KAT6A: variants seen among roughly 807,000 people sequenced by gnomAD.
KAT6A encodes histone acetyltransferase KAT6A.
A neutral mutation model predicts 198.4 loss-of-function variants in KAT6A; 9 were observed. The observed-to-expected ratio is 0.05, with a 90% confidence interval of 0.03 to 0.08. The LOEUF (loss-of-function observed/expected upper bound fraction) is 0.08. Ranked by LOEUF, KAT6A falls within the 10% of genes least tolerant of loss-of-function variation. KAT6A has a pLI of 1.00. For synonymous variants in KAT6A, 890 were observed against 883.0 expected, an observed-to-expected ratio of 1.01 and a Z score of -0.14; for missense variants, 2,077 against 2,509.9, an observed-to-expected ratio of 0.83 and a Z score of 3.69.
rs528672401 is a variant in KAT6A at position 41,931,628 on chromosome 8, TTAA to T, written c.*574_*576del. Reference sequence around the variant, plus strand: ...AGAAGCATTTTCCTGCCTCACTTTATTAATAATAATAATAATAATATTAACAAT... The same window carrying T: ...AGAAGCATTTTCCTGCCTCACTTTATTAATAATAATAATAATATTAACAAT... On this transcript the variant is annotated 3_prime_UTR_variant, in exon 17 of 17. Transcript: ENST00000265713. 7.6e-4 allele frequency: 142 copies of T among 186,368 alleles called. 2 individuals are homozygous for T. The highest frequency in any genetic ancestry group is 2.0e-3 in the African/African-American group (85 of 42,558). The allele number at this position is 186,368 out of a possible 1,614,324, so 11.5% of individuals were successfully genotyped here.
chr8:42,030,345 A>C (rs1427761350), intron 2 of KAT6A, among the ~76,000 whole-genome samples: 1 of 152,166 alleles, frequency 6.6e-6, no homozygotes, highest in African/African-American at 2.4e-5. Context: ...AATCCCAGCC[A>C]GGCCAGCTGT....
At chr8:42,051,717 G>C (rs1802670158) in intron 1 of KAT6A, among the ~76,000 whole-genome samples, 184 bp downstream of exon 1, 1 of 145,798 alleles carries the variant, frequency 6.9e-6, no homozygotes, top group Non-Finnish European at 1.5e-5. Context: ...GAGCGGGCGG[G>C]CGCGAGGGGG....
intron 2 of KAT6A, among the ~76,000 whole-genome samples, chr8:42,040,504 C>T (rs1411035399): frequency 2.7e-5 from 4 of 150,426 alleles, no homozygotes; most frequent in Admixed American, 6.6e-5. Context: ...GAGGCCAAGG[C>T]GGGTGGATCA....
At chr8:42,035,240 T>C (rs547396318) in intron 2 of KAT6A, among the ~76,000 whole-genome samples, 10 of 152,178 alleles carry the variant, frequency 6.6e-5, no homozygotes, top group Non-Finnish European at 1.5e-4. Context: ...AAGTTTCCAT[T>C]TTAAGCATCA....
Position 41,934,490 on chromosome 8 carries a change from C to A in KAT6A, c.3730G>T (p.Ala1244Ser). Residue 1244 changes from alanine (A) to serine (S), a missense_variant, in exon 17 of 17, where the codon GCA becomes TCA. By Grantham distance (99) the Ala-to-Ser change is moderately conservative (BLOSUM62 1). Coordinates refer to ENST00000265713, the MANE Select transcript of KAT6A (RefSeq NM_006766.5). ...EEAEEGEEEDAASSEVPAASP... is the reference protein window; with the variant it reads ...EEAEEGEEEDSASSEVPAASP... The stretch of plus-strand genomic sequence containing the variant: ...GCTGCTGGGACTTCACTGCTGGCTG[C>A]ATCCTCTTCCTCACCCTCTTCAGCC... The A allele has an allele frequency of 6.2e-7, 1 of 1,611,452 alleles. No homozygotes were observed. Among genetic ancestry groups the A allele is most frequent in the South Asian group, 1.1e-5 (1 of 90,892 alleles).
At chr8:42,045,374 A>G (rs1273250323) in intron 2 of KAT6A, among the ~76,000 whole-genome samples, 1 of 152,156 alleles carries the variant, frequency 6.6e-6, no homozygotes, top group Non-Finnish European at 1.5e-5. Context: ...GAGCCTGACC[A>G]ACAGGGAGAA....
chr8:41,941,405 A>G lies in KAT6A; in HGVS notation c.2476T>C (p.Ser826Pro), dbSNP rs745551332. The change falls in exon 15 of 17, where the codon TCT becomes CCT. Residue 826 changes from serine to proline, a missense_variant. Transcript: ENST00000265713. Reference sequence around the variant, plus strand: ...TTCTTTTCACTTTCTACTGAATAAGAATCTTGTTCTTTGTTCTCATGAGAC... The same window carrying G: ...TTCTTTTCACTTTCTACTGAATAAGGATCTTGTTCTTTGTTCTCATGAGAC... Reference protein sequence around the residue: ...SVSHENKEQDSYSVESEKKPE... With the variant: ...SVSHENKEQDPYSVESEKKPE... The G allele has an allele frequency of 3.1e-6, 5 of 1,607,168 alleles. No individual in the cohort carries two copies. The African/African-American group carries it at 4.0e-5, about 13-fold the overall frequency.
At chr8:41,990,725 G>A (rs1205480154) in intron 2 of KAT6A, among the ~76,000 whole-genome samples, 1 of 152,170 alleles carries the variant, frequency 6.6e-6, no homozygotes, top group Non-Finnish European at 1.5e-5. Flanking sequence ...CAAGTGCAGT[G>A]GCTCACACCT....
intron 8 of KAT6A, among the ~76,000 whole-genome samples, chr8:41,971,342 T>C (rs1358569608): frequency 6.6e-6 from 1 of 151,880 alleles, no homozygotes; most frequent in African/African-American, 2.4e-5. Flanking sequence ...GGTCAGGGGA[T>C]AGAGTGACAC....
intron 2 of KAT6A, among the ~76,000 whole-genome samples, chr8:42,027,751 T>C (rs1445084270): frequency 6.6e-6 from 1 of 152,124 alleles, no homozygotes; most frequent in Non-Finnish European, 1.5e-5. Context: ...TGTTGATTCT[T>C]TGTATTTTTT....
At chr8:42,005,357 T>C (rs1825687107) in intron 2 of KAT6A, among the ~76,000 whole-genome samples, 1 of 152,204 alleles carries the variant, frequency 6.6e-6, no homozygotes, top group African/African-American at 2.4e-5. Flanking sequence ...ACAGTATAAA[T>C]AAAGCCTTAA....
At chr8:41,953,991 G>A (rs1432174083) in intron 9 of KAT6A, among the ~76,000 whole-genome samples, 1 of 152,118 alleles carries the variant, frequency 6.6e-6, no homozygotes, top group Non-Finnish European at 1.5e-5. Flanking sequence ...GAAACAGTGT[G>A]CTTCCTTAAA....
In KAT6A at chr8:41,932,215, A is replaced by G. The variant is rs1284312811; in HGVS notation, c.6005T>C (p.Met2002Thr). 1 of 1,580,808 alleles carries G rather than the reference A, an allele frequency of 6.3e-7. No individual in the cohort carries two copies. Among genetic ancestry groups the G allele is most frequent in the Non-Finnish European group, 8.6e-7 (1 of 1,163,700 alleles). Residue 2002 changes from methionine to threonine, a missense_variant, in exon 17 of 17, where the codon ATG becomes ACG. Physicochemically the swap from Met to Thr is moderately conservative, Grantham distance 81. Around this residue, in one of 13 missense-constraint regions of KAT6A, gnomAD observed 500 missense variants for 577.2 expected, o/e 0.87. Coordinates refer to ENST00000265713, the MANE Select transcript of KAT6A (RefSeq NM_006766.5). ...GCAAGTTCATCTTGCTCATCTTCTC[A>G]TGTAAGGTCCGTTGAGTGACTGCTT... ...VPKQSLNGPYMRR is the reference protein window; with the variant it reads ...VPKQSLNGPYTRR
intron 2 of KAT6A, among the ~76,000 whole-genome samples, chr8:42,019,268 T>C (rs538692454): frequency 6.6e-6 from 1 of 152,350 alleles, no homozygotes; most frequent in East Asian, 1.9e-4. Flanking sequence ...TATTTTTATA[T>C]ACAACTCCAA....
At chr8:42,017,766 G>A (rs1297250520) in intron 2 of KAT6A, among the ~76,000 whole-genome samples, 3 of 152,094 alleles carry the variant, frequency 2.0e-5, no homozygotes, top group African/African-American at 7.2e-5. Flanking sequence ...TCTGAACACT[G>A]GGAGGACATA....
intron 8 of KAT6A, among the ~76,000 whole-genome samples, chr8:41,960,506 C>CAAAAA (rs71548553): frequency 2.3e-5 from 2 of 85,170 alleles, no homozygotes; most frequent in East Asian, 3.0e-4. Flanking sequence ...GACTCCGTCT[C>CAAAAA]AAAAAAAAAA....
chr8:42,013,806 G>C (rs1826133169), intron 2 of KAT6A, among the ~76,000 whole-genome samples: 1 of 152,194 alleles, frequency 6.6e-6, no homozygotes. Context: ...AGTTCAATTA[G>C]GAGGCAAGAA....
chr8:42,014,199 G>T (rs1826157191), intron 2 of KAT6A, among the ~76,000 whole-genome samples: 1 of 152,162 alleles, frequency 6.6e-6, no homozygotes, highest in African/African-American at 2.4e-5. Flanking sequence ...AAGGGGCAGA[G>T]CCAAAAGGAT....
intron 2 of KAT6A, among the ~76,000 whole-genome samples, chr8:42,024,900 A>G (rs1826724147): frequency 6.6e-6 from 1 of 152,174 alleles, no homozygotes; most frequent in African/African-American, 2.4e-5. Flanking sequence ...TGGTGTTGCA[A>G]TAAATATGGG....
Sources: gnomAD v4.1 joint callset for allele counts (sites outside exome capture counted in the v4.1 genomes callset) on GRCh38, gnomAD v4.1.1 for gene constraint, gnomAD v4.1.1 regional missense constraint, MANE v1.5 for transcripts, NCBI Gene and HGNC (gene_info 2026-07-23, HGNC 2026-07-21) for gene names.